The following CHRM3 variants were observed in gnomAD, a reference collection of about 807,000 sequenced individuals.
CHRM3 encodes the protein muscarinic acetylcholine receptor M3.
In CHRM3, 11 loss-of-function variants were observed where a neutral mutation model predicts 41.8. The ratio of observed to expected loss-of-function variants is 0.26; its 90% CI spans 0.17 to 0.44. The LOEUF (loss-of-function observed/expected upper bound fraction) is 0.44, where lower values mean the gene tolerates loss of function less well. Among genes scored for constraint, CHRM3 ranks in the 20% least tolerant of loss-of-function variants. The pLI is 1.00. For missense variants in CHRM3, 571 were observed against 745.4 expected, an observed-to-expected ratio of 0.77 and a Z score of 2.72; for synonymous variants, 297 against 301.4, an observed-to-expected ratio of 0.99 and a Z score of 0.15.
At chr1:239,746,312 C>A (rs1665348471) in intron 5 of CHRM3, among the ~76,000 whole-genome samples, 1 of 152,126 alleles carries the variant, frequency 6.6e-6, no homozygotes, top group Admixed American at 6.5e-5. Context: ...TTGTTCTGTG[C>A]CAGGCACTTT....
intron 2 of CHRM3, among the ~76,000 whole-genome samples, chr1:239,521,535 T>G (rs905569672): frequency 1.3e-5 from 2 of 152,222 alleles, no homozygotes; most frequent in African/African-American, 4.8e-5. Context: ...ATATGCAATT[T>G]TTTGTTTTTC....
Position 239,542,363 on chromosome 1 carries a change from G to A in CHRM3, c.-421-3278G>A, listed in dbSNP as rs1658863711. Among the ~76,000 whole-genome samples, 3 of 152,232 alleles carry A rather than the reference G, an allele frequency of 2.0e-5. No individual in the cohort carries two copies. In the South Asian group the frequency reaches 6.2e-4, roughly 32 times the overall value. On this transcript the variant is annotated intron_variant, in intron 2 of 6. Transcript: ENST00000676153. ...CAAATTAGAAGATGTTATCTACTCAGAGAAAACAGGAGGAGCAAAGTCAAG... is the reference window on the plus strand; with the variant it reads ...CAAATTAGAAGATGTTATCTACTCAAAGAAAACAGGAGGAGCAAAGTCAAG...
intron 2 of CHRM3, among the ~76,000 whole-genome samples, chr1:239,539,443 C>A (rs1658522244): frequency 1.3e-5 from 2 of 152,146 alleles, no homozygotes; most frequent in Admixed American, 1.3e-4. Flanking sequence ...TCAGCCGTCA[C>A]TCTTATCAAA....
At chr1:239,455,463 A>C (rs183072912) in intron 1 of CHRM3, among the ~76,000 whole-genome samples, 2 of 152,054 alleles carry the variant, frequency 1.3e-5, no homozygotes, top group Admixed American at 1.3e-4. Context: ...ATGCATGTTC[A>C]CTGCCCCTGA....
chr1:239,430,574 A>G (rs1300931165), intron 1 of CHRM3, among the ~76,000 whole-genome samples: 2 of 152,084 alleles, frequency 1.3e-5, no homozygotes, highest in African/African-American at 4.8e-5. Context: ...AACTGGCTAA[A>G]CAGTAAACTT....
chr1:239,897,695 G>T (rs1353308421), intron 6 of CHRM3, among the ~76,000 whole-genome samples: 1 of 152,092 alleles, frequency 6.6e-6, no homozygotes, highest in Admixed American at 6.6e-5. Flanking sequence ...TGGGTGAAGG[G>T]GTCATACTAA....
At chr1:239,848,091 A>G (rs762645434) in intron 6 of CHRM3, among the ~76,000 whole-genome samples, 9 of 152,142 alleles carry the variant, frequency 5.9e-5, no homozygotes, top group Non-Finnish European at 1.0e-4. Context: ...TAAGGCTTTC[A>G]TGCATACATT....
intron 3 of CHRM3, among the ~76,000 whole-genome samples, chr1:239,569,565 A>G (rs966527002): frequency 1.2e-4 from 19 of 152,238 alleles, no homozygotes; most frequent in Admixed American, 1.3e-4. Flanking sequence ...AAGTGATCAT[A>G]TCTTTTGGAG....
At chr1:239,807,818 G>GCA (rs57650107) in intron 5 of CHRM3, among the ~76,000 whole-genome samples, 3,446 of 148,472 alleles carry the variant, frequency 0.023, 60 homozygotes, top group African/African-American at 0.042. Context: ...TTTGCTTTGC[G>GCA]CACACACACA....
intron 5 of CHRM3, among the ~76,000 whole-genome samples, chr1:239,784,603 A>G (rs1028410683): frequency 1.3e-5 from 2 of 152,346 alleles, no homozygotes; most frequent in African/African-American, 4.8e-5. Flanking sequence ...TGTAATTATT[A>G]ATACGTCGTT....
At chr1:239,735,353 G>C (rs530850325) in intron 5 of CHRM3, among the ~76,000 whole-genome samples, 2 of 152,220 alleles carry the variant, frequency 1.3e-5, no homozygotes, top group East Asian at 3.9e-4. Flanking sequence ...TTCAGCACTT[G>C]CCTCTGCTAC....
At chr1:239,804,606 A>G (rs887729699) in intron 5 of CHRM3, among the ~76,000 whole-genome samples, 9 of 152,184 alleles carry the variant, frequency 5.9e-5, no homozygotes, top group African/African-American at 2.2e-4. Flanking sequence ...AAAGGAAAGG[A>G]GCCGATGATG....
At chr1:239,723,995 A>G (rs1356728443) in intron 5 of CHRM3, among the ~76,000 whole-genome samples, 1 of 151,906 alleles carries the variant, frequency 6.6e-6, no homozygotes, top group Non-Finnish European at 1.5e-5. Flanking sequence ...CTGAGCTGAC[A>G]TTCACTGAAG....
At chr1:239,787,866 A>G (rs762250270) in intron 5 of CHRM3, among the ~76,000 whole-genome samples, 2 of 152,236 alleles carry the variant, frequency 1.3e-5, no homozygotes, top group Non-Finnish European at 2.9e-5. Flanking sequence ...AAAAGATTAC[A>G]TATATATTTA....
chr1:239,704,153 C>T (rs969051326), intron 5 of CHRM3: 2 of 152,048 alleles, frequency 1.3e-5, no homozygotes, highest in Admixed American at 1.3e-4. Context: ...ACTATACTGG[C>T]TGTGATTTTT....
intron 2 of CHRM3, among the ~76,000 whole-genome samples, chr1:239,540,075 G>C (rs919385390): frequency 6.6e-6 from 1 of 152,094 alleles, no homozygotes; most frequent in East Asian, 1.9e-4. Context: ...TGTGTACCAG[G>C]CTATGCCATC....
intron 2 of CHRM3, among the ~76,000 whole-genome samples, chr1:239,519,897 G>A (rs372294992): frequency 1.1e-4 from 17 of 151,766 alleles, no homozygotes; most frequent in African/African-American, 3.1e-4. Flanking sequence ...ACAGGCACCC[G>A]CCACCACACC....
At chr1:239,451,219 G>A (rs561669056) in intron 1 of CHRM3, among the ~76,000 whole-genome samples, 2 of 151,938 alleles carry the variant, frequency 1.3e-5, no homozygotes, top group East Asian at 3.8e-4. Context: ...ACAAAAGAAA[G>A]AAATAAAATA....
chr1:239,391,811 C>G, intron 1 of CHRM3, among the ~76,000 whole-genome samples: 1 of 152,176 alleles, frequency 6.6e-6, no homozygotes, highest in Middle Eastern at 3.4e-3. Flanking sequence ...AAACAAAAAC[C>G]AATTTGATAA....
Sources: allele counts gnomAD v4.1 joint callset (sites outside exome capture counted in the v4.1 genomes callset), GRCh38; gene constraint gnomAD v4.1.1; transcripts MANE v1.5; gene names NCBI Gene and HGNC (gene_info 2026-07-23, HGNC 2026-07-21).